NCAM2: variants seen among roughly 807,000 people sequenced by gnomAD.
NCAM2 encodes the protein N-CAM-2.
In NCAM2, 30 loss-of-function variants were observed where a neutral mutation model predicts 98.1. The ratio of observed to expected loss-of-function variants is 0.31; its 90% CI spans 0.23 to 0.41. NCAM2 has a LOEUF of 0.41. NCAM2 is among the 10% of genes least tolerant of loss of function. The pLI is 1.00. For missense variants in NCAM2, 867 were observed against 1,005.8 expected (o/e 0.86, Z 1.87); for synonymous variants, 368 against 342.4 (o/e 1.07, Z -0.83).
At chr21:21,216,609 A>C (rs1428311111) in intron 1 of NCAM2, among the ~76,000 whole-genome samples, 1 of 152,178 alleles carries the variant, frequency 6.6e-6, no homozygotes, top group Non-Finnish European at 1.5e-5. Context: ...AGCCAAATGC[A>C]TTGTCCTGTC....
At chr21:21,131,273 T>A (rs554715628) in intron 1 of NCAM2, among the ~76,000 whole-genome samples, 1 of 123,472 alleles carries the variant, frequency 8.1e-6, no homozygotes, top group East Asian at 2.5e-4. Context: ...TAGGGTTTAA[T>A]TTTTCTGGGG....
At chr21:21,074,776 G>T (rs1440529261) in intron 1 of NCAM2, among the ~76,000 whole-genome samples, 1 of 152,132 alleles carries the variant, frequency 6.6e-6, no homozygotes, top group African/African-American at 2.4e-5. Flanking sequence ...AATCAAATTA[G>T]ATTTTTGTGA....
At chr21:21,302,988 C>A (rs1353730389) in intron 5 of NCAM2, among the ~76,000 whole-genome samples, 2 of 152,014 alleles carry the variant, frequency 1.3e-5, no homozygotes, top group African/African-American at 4.8e-5. Context: ...CGTAAGTGAT[C>A]TAGTGCAAGA....
At chr21:21,500,687 A>G (rs1371074680) in intron 15 of NCAM2, among the ~76,000 whole-genome samples, 2 of 152,138 alleles carry the variant, frequency 1.3e-5, no homozygotes, top group East Asian at 3.8e-4. Flanking sequence ...ATTTCTAATT[A>G]TCTATGTAGT....
At chr21:21,120,265 C>G (rs375638193) in intron 1 of NCAM2, among the ~76,000 whole-genome samples, 1 of 151,930 alleles carries the variant, frequency 6.6e-6, no homozygotes, top group Non-Finnish European at 1.5e-5. Context: ...CAGATAAATT[C>G]GGAGTCCCAA....
At chr21:21,100,663 A>C (rs879431181) in intron 1 of NCAM2, among the ~76,000 whole-genome samples, 3 of 152,086 alleles carry the variant, frequency 2.0e-5, no homozygotes, top group Admixed American at 1.3e-4. Flanking sequence ...ACTTGAGTCT[A>C]CTTCCACTGA....
At chr21:21,140,269 G>A (rs866765468) in intron 1 of NCAM2, among the ~76,000 whole-genome samples, 4 of 152,110 alleles carry the variant, frequency 2.6e-5, no homozygotes, top group Non-Finnish European at 2.9e-5. Context: ...AACACAGTTT[G>A]GTGGGATATA....
At chr21:21,361,015 GA>G (rs922083109) in intron 8 of NCAM2, among the ~76,000 whole-genome samples, 8 of 151,884 alleles carry the variant, frequency 5.3e-5, no homozygotes, top group Admixed American at 1.3e-4. Flanking sequence ...TAATTAGTTG[GA>G]AACAGAAGAA....
intron 1 of NCAM2, among the ~76,000 whole-genome samples, chr21:21,221,232 A>T (rs1025635596): frequency 3.3e-5 from 5 of 151,934 alleles, no homozygotes; most frequent in African/African-American, 1.2e-4. Flanking sequence ...TGGCTCCCCT[A>T]TTCTCCAACA....
At chr21:21,382,824 C>A (rs2076187645) in intron 9 of NCAM2, among the ~76,000 whole-genome samples, 1 of 151,962 alleles carries the variant, frequency 6.6e-6, no homozygotes, top group Non-Finnish European at 1.5e-5. Flanking sequence ...GCCACTGCGA[C>A]TGGCCCAAAT....
intron 1 of NCAM2, among the ~76,000 whole-genome samples, chr21:21,137,629 A>G (rs1429927929): frequency 2.0e-5 from 3 of 152,156 alleles, no homozygotes; most frequent in Admixed American, 6.6e-5. Flanking sequence ...ATGGTGGTGG[A>G]TGCCTGTAAT....
At chr21:21,365,715 C>T (rs189851411) in intron 8 of NCAM2, among the ~76,000 whole-genome samples, 137 of 151,576 alleles carry the variant, frequency 9.0e-4, no homozygotes, top group African/African-American at 3.0e-3. Flanking sequence ...GGAGAGATGC[C>T]GATGATATAA....
At chr21:21,081,043 C>T (rs2065787362) in intron 1 of NCAM2, among the ~76,000 whole-genome samples, 1 of 152,116 alleles carries the variant, frequency 6.6e-6, no homozygotes, top group East Asian at 1.9e-4. Flanking sequence ...TGGCTTACTT[C>T]CAGGATCTTG....
intron 1 of NCAM2, among the ~76,000 whole-genome samples, chr21:21,179,251 T>A (rs2068392813): frequency 6.6e-6 from 1 of 151,546 alleles, no homozygotes; most frequent in South Asian, 2.1e-4. Flanking sequence ...TTTATCCTGA[T>A]TTTTTTTTCA....
intron 1 of NCAM2, among the ~76,000 whole-genome samples, chr21:21,168,700 A>G (rs2068029348): frequency 6.6e-6 from 1 of 152,156 alleles, no homozygotes; most frequent in Non-Finnish European, 1.5e-5. Flanking sequence ...CTATATTAAT[A>G]CTTTCCAAAA....
intron 8 of NCAM2, among the ~76,000 whole-genome samples, chr21:21,341,239 G>A (rs988502626): frequency 5.3e-5 from 8 of 151,924 alleles, no homozygotes; most frequent in South Asian, 2.1e-4. Flanking sequence ...AAGTAGCATG[G>A]GATTGTACTT....
intron 1 of NCAM2, among the ~76,000 whole-genome samples, chr21:21,137,903 T>C (rs534251765): frequency 1.3e-5 from 2 of 149,800 alleles, no homozygotes; most frequent in East Asian, 2.0e-4. Context: ...GTCCTTTCCA[T>C]AATGAGTGTA....
chr21:21,258,503 A>G (rs1051143560), intron 1 of NCAM2, among the ~76,000 whole-genome samples: 1 of 152,080 alleles, frequency 6.6e-6, no homozygotes, highest in African/African-American at 2.4e-5. Context: ...TAAGTGGGAG[A>G]GCTTCTCTGT....
At chr21:21,468,584 T>A (rs1984025146) in intron 13 of NCAM2, 78 bp from the exon 14 acceptor site, 2 of 1,383,328 alleles carry the variant, frequency 1.4e-6, no homozygotes, top group East Asian at 4.9e-5. Context: ...ATTACATTAC[T>A]GTTCTTTTTA....
Sources: allele counts gnomAD v4.1 joint callset (sites outside exome capture counted in the v4.1 genomes callset), GRCh38; gene constraint gnomAD v4.1.1; transcripts MANE v1.5; gene names NCBI Gene and HGNC (gene_info 2026-07-23, HGNC 2026-07-21).